The following WNK2 variants were observed in gnomAD, a reference collection of about 807,000 sequenced individuals.
WNK2 encodes serine/threonine-protein kinase WNK2.
WNK2 carries 67 observed loss-of-function variants against 192.1 expected under a neutral mutation model. The observed-to-expected ratio is 0.35, with a 90% CI of 0.29 to 0.43. The LOEUF (loss-of-function observed/expected upper bound fraction) is 0.43, where lower values mean the gene tolerates loss of function less well. WNK2 is among the 20% of genes least tolerant of loss of function. The probability of loss-of-function intolerance (pLI) is 1.00; values close to 1 mark genes in which losing one functional copy is unlikely to be tolerated. For missense variants in WNK2, 2,698 were observed against 3,089.7 expected (o/e 0.87, Z 3.01); for synonymous variants, 1,439 against 1,393.9 (o/e 1.03, Z -0.72).
At chr9:93,191,496 G>A (rs1015867053) in intron 2 of WNK2, among the ~76,000 whole-genome samples, 1 of 152,100 alleles carries the variant, frequency 6.6e-6, no homozygotes, top group Non-Finnish European at 1.5e-5. Context: ...AGTTCTGAGC[G>A]AGGCTGGAGG....
At chr9:93,201,127 C>T (rs1221345676) in intron 2 of WNK2, among the ~76,000 whole-genome samples, 4 of 152,174 alleles carry the variant, frequency 2.6e-5, no homozygotes, top group Non-Finnish European at 5.9e-5. Context: ...CCATCCTTTC[C>T]ATCCTGTGGC....
chr9:93,299,961 C>A, intron 25 of WNK2, 90 bp from the exon 26 acceptor site: 1 of 1,029,792 alleles, frequency 9.7e-7, no homozygotes, highest in Non-Finnish European at 1.5e-6. Context: ...AGTGACGAGG[C>A]TGGTGTGGCT....
At chr9:93,284,477 A>G (rs1564164358) in intron 19 of WNK2, among the ~76,000 whole-genome samples, 1 of 152,204 alleles carries the variant, frequency 6.6e-6, no homozygotes, top group Non-Finnish European at 1.5e-5. Context: ...AAACAAAACA[A>G]AACCAGCAAA....
chr9:93,188,064 G>A (rs1338458403), intron 2 of WNK2, among the ~76,000 whole-genome samples: 1 of 152,176 alleles, frequency 6.6e-6, no homozygotes, highest in Non-Finnish European at 1.5e-5. Flanking sequence ...GCATGGGGAG[G>A]GTTCCTGGGA....
intron 21 of WNK2, among the ~76,000 whole-genome samples, chr9:93,291,683 A>AC (rs1564183311): frequency 1.3e-5 from 2 of 152,102 alleles, no homozygotes; most frequent in Non-Finnish European, 2.9e-5. Flanking sequence ...CGCTGCTGCC[A>AC]CCTTCCCCAC....
intron 6 of WNK2, among the ~76,000 whole-genome samples, chr9:93,238,537 C>T (rs1027574439): frequency 6.6e-6 from 1 of 152,194 alleles, no homozygotes; most frequent in Admixed American, 6.5e-5. Context: ...TCCTTGTTGG[C>T]CATCTGGAAA....
At position 93,185,257 on chromosome 9, in the gene WNK2, G is replaced by A; in HGVS notation, c.328G>A (p.Ala110Thr). 4 of 1,267,926 alleles carry A rather than the reference G, an allele frequency of 3.2e-6. No homozygotes were observed. Among genetic ancestry groups the A allele is most frequent in the Non-Finnish European group, 4.0e-6 (4 of 1,011,570 alleles). 78.5% of individuals were successfully genotyped at this position (1,267,926 alleles called of 1,614,324 possible). ...GGTAGCGCAGCCGGGAGCCCCCGGAGCCCCCGCGGACGCCGGCCCCGAGCC... is the reference window on the plus strand; with the variant it reads ...GGTAGCGCAGCCGGGAGCCCCCGGAACCCCCGCGGACGCCGGCCCCGAGCC... ...ALVAQPGAPG[A>T]PADAGPEPVG... is the part of the protein sequence containing the mutation. Residue 110 changes from alanine (A) to threonine (T), a missense_variant, in exon 2 of 30, where the codon GCC (alanine) becomes ACC (threonine). Ala to Thr is a moderately conservative substitution (Grantham distance 58). Coordinates refer to ENST00000427277, the MANE Select transcript of WNK2 (RefSeq NM_006648.4).
At chr9:93,274,515 C>CAAAAA (rs67350876) in intron 19 of WNK2, among the ~76,000 whole-genome samples, 9 of 118,384 alleles carry the variant, frequency 7.6e-5, no homozygotes, top group South Asian at 2.6e-4. Flanking sequence ...CCGTCTCAAC[C>CAAAAA]AAAAAAAAAA....
chr9:93,229,578 G>C lies in WNK2; in HGVS notation c.682-118G>C. On this transcript the variant is annotated intron_variant, in intron 2 of 29. Coordinates refer to ENST00000427277, the MANE Select transcript of WNK2 (RefSeq NM_006648.4). This position sits in a 1 kb window ranked among gnomAD's most constrained non-coding sequence, Gnocchi z 4.9. ...CATGCCCTTCTATCATAGCCGCTTA[G>C]CTGCCTGTGGGTATGGGAAGGGCTG... 8.5e-7 allele frequency: 1 copy of C among 1,179,752 alleles called. No homozygotes were observed. Among genetic ancestry groups the C allele is most frequent in the Non-Finnish European group, 1.2e-6 (1 of 849,042 alleles). 73.1% of individuals were successfully genotyped at this position (1,179,752 alleles called of 1,614,324 possible).
At chr9:93,281,127 G>A (rs1302157364) in intron 19 of WNK2, among the ~76,000 whole-genome samples, 2 of 152,122 alleles carry the variant, frequency 1.3e-5, no homozygotes, top group East Asian at 1.9e-4. Flanking sequence ...CATCCAGGAG[G>A]GTGATGACTA....
chr9:93,284,601 C>A (rs376670182), intron 19 of WNK2, among the ~76,000 whole-genome samples: 2 of 38,424 alleles, frequency 5.2e-5, no homozygotes, highest in Non-Finnish European at 5.1e-5. Context: ...TGCAGGGGAG[C>A]GGGGGGTGGG....
intron 19 of WNK2, among the ~76,000 whole-genome samples, chr9:93,280,070 A>T (rs574025197): frequency 1.8e-4 from 27 of 152,382 alleles, no homozygotes; most frequent in African/African-American, 6.5e-4. Flanking sequence ...GTCAAAGTTT[A>T]AACTGTCTAC....
intron 24 of WNK2, 96 bp downstream of exon 24, chr9:93,298,163 C>A: frequency 2.3e-6 from 3 of 1,318,116 alleles, no homozygotes; most frequent in Non-Finnish European, 2.1e-6. Flanking sequence ...CACCCTCGGA[C>A]CTGGAAGACC....
rs374257989 is a variant in WNK2 at position 93,259,017 on chromosome 9, G to T, written c.2469G>T (p.Ala823=). 1.9e-6 allele frequency: 3 copies of T among 1,612,542 alleles called. No homozygotes were observed. Among genetic ancestry groups the T allele is most frequent in the African/African-American group, 2.7e-5 (2 of 74,720 alleles). Residue 823 remains alanine, a synonymous_variant, in exon 12 of 30, where the codon GCG becomes GCT. Coordinates refer to ENST00000427277, the MANE Select transcript of WNK2 (RefSeq NM_006648.4). The surrounding 1 kb of genome is among the most constrained non-coding windows in gnomAD (Gnocchi z 4.8). ...LPPALPDLPT[A]TVPPVPPPQY... is the part of the protein sequence containing the mutation. ...CGGCCCTCCCAGACCTGCCGACCGC[G>T]ACTGTGCCTCCCGTGCCACCACCTC... is the stretch of plus-strand genomic sequence containing the variant.
intron 1 of WNK2, 96 bp from the exon 2 acceptor site, chr9:93,184,832 A>C: frequency 9.9e-7 from 1 of 1,012,278 alleles, no homozygotes; most frequent in Non-Finnish European, 1.2e-6. Flanking sequence ...GGGGCTGGGC[A>C]GGTTGCGGGC....
At position 93,268,683 on chromosome 9, in the gene WNK2, C is replaced by T. The variant is rs201521936; in HGVS notation, c.3970C>T (p.Pro1324Ser). The change falls in exon 19 of 30, where the codon CCC (proline) becomes TCC (serine). Residue 1324 changes from proline (P) to serine (S), a missense_variant. By Grantham distance (74) the Pro-to-Ser change is moderately conservative. Transcript: ENST00000427277. ...CTGTCCGGTGGCTGAGCACCCCGCC[C>T]CCGAGGCCCCTGAATCTTCGCCCCC... ...IICPVAEHPAPEAPESSPPLP... is the reference protein window; with the variant it reads ...IICPVAEHPASEAPESSPPLP... 5.9e-5 allele frequency: 95 copies of T among 1,613,422 alleles called. No homozygotes were observed. In the Middle Eastern group the frequency reaches 6.6e-4, roughly 11 times the overall value.
intron 2 of WNK2, among the ~76,000 whole-genome samples, chr9:93,202,416 G>A (rs1217369218): frequency 1.3e-5 from 2 of 151,702 alleles, no homozygotes; most frequent in Non-Finnish European, 2.9e-5. Flanking sequence ...CCCCTCCGGC[G>A]CTTCCGTGGG....
intron 3 of WNK2, among the ~76,000 whole-genome samples, 156 bp from the exon 4 acceptor site, chr9:93,230,732 C>T (rs552715597): frequency 1.4e-4 from 21 of 152,362 alleles, no homozygotes; most frequent in South Asian, 1.0e-3. Context: ...CGGAACTGTC[C>T]GGCCCTCCCG....
chr9:93,293,199 GC>G, intron 23 of WNK2, 26 bp downstream of exon 23: 2 of 1,425,376 alleles, frequency 1.4e-6, no homozygotes, highest in Non-Finnish European at 9.1e-7. Context: ...AGGAAGTGTT[GC>G]CCCCGCCCCT....
Sources: allele counts gnomAD v4.1 joint callset (sites outside exome capture counted in the v4.1 genomes callset), GRCh38; gene constraint gnomAD v4.1.1; non-coding constraint Gnocchi (gnomAD v3.1); transcripts MANE v1.5; gene names NCBI Gene and HGNC (gene_info 2026-07-23, HGNC 2026-07-21).